Variants in RYR3 observed in about 807,000 individuals in gnomAD.
RYR3 encodes brain ryanodine receptor-calcium release channel.
In RYR3, 207 loss-of-function variants were observed where a neutral mutation model predicts 584.3. That is an observed-to-expected ratio of 0.35 (90% CI 0.32 to 0.40). The LOEUF is 0.40. Among genes scored for constraint, RYR3 ranks in the 10% least tolerant of loss-of-function variants. RYR3 has a pLI of 1.00. For missense variants in RYR3, 5,616 were observed against 6,089.2 expected (o/e 0.92, Z 2.59); for synonymous variants, 2,416 against 2,248.5 (o/e 1.07, Z -2.11).
intron 67 of RYR3, among the ~76,000 whole-genome samples, chr15:33,798,724 A>G (rs534871389): frequency 6.6e-6 from 1 of 152,368 alleles, no homozygotes; most frequent in East Asian, 1.9e-4. Context: ...GAAGAGGAGA[A>G]TGAATATTGA....
intron 44 of RYR3, 133 bp from the exon 45 acceptor site, chr15:33,723,932 A>G: frequency 1.7e-6 from 1 of 602,778 alleles, no homozygotes; most frequent in Non-Finnish European, 3.0e-6. Flanking sequence ...TTCTAGAGGA[A>G]GACGAGGTTC....
In RYR3 at chr15:33,859,739, T is replaced by G. The variant is rs1384289916; in HGVS notation, c.14299+8T>G. On this transcript the variant is annotated splice_region_variant and intron_variant, in intron 100 of 103. Transcript: ENST00000634891. The stretch of plus-strand genomic sequence containing the variant: ...TGCTGGCCATCATTCAAGGTATGAT[T>G]GCCAATTGTGTTGAGTATGAACAGG... 5.6e-6 allele frequency: 9 copies of G among 1,602,128 alleles called. No homozygotes were observed. Among genetic ancestry groups the G allele is most frequent in the Non-Finnish European group, 6.8e-6 (8 of 1,173,290 alleles).
At chr15:33,526,166 A>G (rs889023748) in intron 3 of RYR3, among the ~76,000 whole-genome samples, 31 of 152,154 alleles carry the variant, frequency 2.0e-4, no homozygotes, top group African/African-American at 7.5e-4. Flanking sequence ...TCCCCTCCTT[A>G]GTTGCCGTAT....
intron 48 of RYR3, among the ~76,000 whole-genome samples, chr15:33,735,474 A>G (rs1166416674): frequency 6.6e-6 from 1 of 152,198 alleles, no homozygotes; most frequent in Non-Finnish European, 1.5e-5. Context: ...CTTAGGCAAT[A>G]GTGGAAAAAA....
At chr15:33,508,954 A>T (rs2052722772) in intron 3 of RYR3, among the ~76,000 whole-genome samples, 2 of 152,174 alleles carry the variant, frequency 1.3e-5, no homozygotes, top group Non-Finnish European at 2.9e-5. Flanking sequence ...TCCTGGTATC[A>T]TGTGACCTTG....
At chr15:33,494,189 T>C (rs1417858107) in intron 2 of RYR3, among the ~76,000 whole-genome samples, 1 of 152,206 alleles carries the variant, frequency 6.6e-6, no homozygotes, top group Non-Finnish European at 1.5e-5. Flanking sequence ...ATTTGGATTC[T>C]CTGCTTCTAG....
intron 16 of RYR3, among the ~76,000 whole-genome samples, chr15:33,596,503 G>GT (rs891610806): frequency 1.4e-5 from 2 of 145,370 alleles, no homozygotes; most frequent in African/African-American, 2.6e-5. Flanking sequence ...TTTGGGGGGG[G>GT]GGGATTTCTG....
At chr15:33,825,447 A>G (rs2077325963) in intron 81 of RYR3, among the ~76,000 whole-genome samples, 156 bp from the exon 82 acceptor site, 1 of 152,124 alleles carries the variant, frequency 6.6e-6, no homozygotes, top group African/African-American at 2.4e-5. Context: ...GCACAAAACC[A>G]AGGAATCATT....
chr15:33,818,724 G>A, intron 76 of RYR3, 40 bp downstream of exon 76: 1 of 1,452,786 alleles, frequency 6.9e-7, no homozygotes, highest in Non-Finnish European at 9.6e-7. Flanking sequence ...CAGGCACCAG[G>A]GATACTTGTG....
At chr15:33,389,681 T>C (rs1053193952) in intron 1 of RYR3, among the ~76,000 whole-genome samples, 3 of 152,230 alleles carry the variant, frequency 2.0e-5, no homozygotes, top group Non-Finnish European at 4.4e-5. Flanking sequence ...TGATGTACAA[T>C]GTGATCATAA....
rs372315777 is a variant in RYR3 at position 33,643,709 on chromosome 15, C to T, written c.3557-602C>T. 5.3e-5 allele frequency among the ~76,000 whole-genome samples: 8 copies of T among 152,302 alleles called. No individual in the cohort carries two copies. The East Asian group carries it at 1.2e-3, about 22-fold the overall frequency. On this transcript the variant is annotated intron_variant, in intron 27 of 103. Coordinates refer to ENST00000634891, the MANE Select transcript of RYR3 (RefSeq NM_001036.6). The stretch of plus-strand genomic sequence containing the variant: ...GGGAAGATGCTGGGTCCAGAAAAGT[C>T]GGGCAACTTGCACCAAGTCATCCTT...
intron 68 of RYR3, among the ~76,000 whole-genome samples, chr15:33,801,584 G>T (rs1480663386): frequency 1.3e-5 from 2 of 151,330 alleles, no homozygotes. Flanking sequence ...CTAGAGTCAG[G>T]TTGGAATTTG....
intron 32 of RYR3, among the ~76,000 whole-genome samples, chr15:33,658,527 A>G (rs1979738): frequency 0.55 from 83,449 of 152,178 alleles, 25,924 homozygotes; most frequent in Non-Finnish European, 0.68. Flanking sequence ...ATGATGACCC[A>G]TTGGGGTCAC....
chr15:33,756,619 G>A (rs1436508143), intron 59 of RYR3, among the ~76,000 whole-genome samples: 2 of 152,134 alleles, frequency 1.3e-5, no homozygotes, highest in Non-Finnish European at 2.9e-5. Context: ...ACCATCTCCG[G>A]AGGTGTGGCC....
intron 98 of RYR3, among the ~76,000 whole-genome samples, chr15:33,855,214 T>G (rs186806370): frequency 1.6e-4 from 24 of 152,222 alleles, no homozygotes; most frequent in Admixed American, 3.9e-4. Flanking sequence ...CTTTTTTTTT[T>G]TGTGACGGTG....
rs750399788 is a variant in RYR3 at position 33,769,160 on chromosome 15, C to T, written c.8804C>T (p.Thr2935Ile). Residue 2935 changes from threonine (T) to isoleucine (I), a missense_variant, in exon 62 of 104, where the codon ACA becomes ATA. This residue lies in a region of RYR3 where 1,280 missense variants were observed against 1,426.2 expected (regional missense o/e 0.90). Coordinates refer to ENST00000634891, the MANE Select transcript of RYR3 (RefSeq NM_001036.6). ...MVSCLHILAQ[T>I]LDTRTVMKSG... ...AGCTGTCTTCACATCTTAGCTCAGACACTTGACACAAGGTAAGTCTGCCCA... is the reference window on the plus strand; with the variant it reads ...AGCTGTCTTCACATCTTAGCTCAGATACTTGACACAAGGTAAGTCTGCCCA... 17 of 1,612,924 alleles carry T rather than the reference C, an allele frequency of 1.1e-5. No individual in the cohort carries two copies. Among genetic ancestry groups the T allele is most frequent in the Non-Finnish European group, 1.4e-5 (17 of 1,179,002 alleles).
chr15:33,530,815 A>G (rs1350266339), intron 4 of RYR3, 149 bp downstream of exon 4: 3 of 648,256 alleles, frequency 4.6e-6, no homozygotes, highest in South Asian at 1.9e-5. Context: ...CATTTCCTAC[A>G]TATGACCTAC....
At chr15:33,845,119 T>G in intron 93 of RYR3, 57 bp downstream of exon 93, 3 of 1,576,228 alleles carry the variant, frequency 1.9e-6, no homozygotes, top group Non-Finnish European at 1.7e-6. Context: ...AATGTCCTTT[T>G]TGAGCCCAGC....
intron 14 of RYR3, among the ~76,000 whole-genome samples, chr15:33,583,531 T>C (rs1488643354): frequency 6.6e-6 from 1 of 152,234 alleles, no homozygotes; most frequent in Non-Finnish European, 1.5e-5. Context: ...CCTTTCTCAT[T>C]GCTCTAGTCT....
Sources: allele counts gnomAD v4.1 joint callset (sites outside exome capture counted in the v4.1 genomes callset), GRCh38; gene constraint gnomAD v4.1.1; regional missense constraint gnomAD v4.1.1; transcripts MANE v1.5; gene names NCBI Gene and HGNC (gene_info 2026-07-23, HGNC 2026-07-21).